Variants in DOCK8 observed in about 807,000 individuals in gnomAD.
DOCK8 encodes dedicator of cytokinesis protein 8.
Under a neutral mutation model 245.6 loss-of-function variants are expected in DOCK8, and 141 were observed. The observed-to-expected ratio is 0.57, with a 90% CI of 0.50 to 0.66. The LOEUF (loss-of-function observed/expected upper bound fraction) is 0.66. Ranked by LOEUF, DOCK8 falls within the 30% of genes least tolerant of loss-of-function variation. The pLI, the probability that DOCK8 is intolerant of heterozygous loss-of-function variation, is 0.00. For missense variants in DOCK8, 2,965 were observed against 2,603.4 expected (o/e 1.14, Z -3.02); for synonymous variants, 1,168 against 970.2 (o/e 1.20, Z -3.79).
chr9:215,175 AG>A (rs771625232), intron 1 of DOCK8, 146 bp downstream of exon 1: 1 of 1,507,462 alleles, frequency 6.6e-7, no homozygotes, highest in South Asian at 1.2e-5. Flanking sequence ...CCGGTTCCCG[AG>A]GCTGCGGCGG....
chr9:386,290 C>T (rs1281903407), intron 22 of DOCK8, 41 bp from the exon 23 acceptor site: 1 of 1,557,798 alleles, frequency 6.4e-7, no homozygotes, highest in Non-Finnish European at 8.8e-7. Context: ...CTTACCTTTC[C>T]ATGGTTGGTT....
intron 30 of DOCK8, chr9:420,048 A>G (rs1408079680): frequency 5.7e-6 from 2 of 353,494 alleles, no homozygotes; most frequent in Admixed American, 4.0e-5. Context: ...TCTTAGCAGC[A>G]TGAAAGCCTC....
chr9:264,057 T>C (rs574695320), intron 1 of DOCK8, among the ~76,000 whole-genome samples: 1 of 152,360 alleles, frequency 6.6e-6, no homozygotes, highest in Non-Finnish European at 1.5e-5. Context: ...GGGATCCAGC[T>C]TACACAGGTT....
chr9:420,919 G>T, intron 31 of DOCK8, 30 bp from the exon 32 acceptor site: 1 of 1,614,124 alleles, frequency 6.2e-7, no homozygotes, highest in Non-Finnish European at 8.5e-7. Context: ...CTCACCAAAG[G>T]ACATGTCCTC....
chr9:291,354 A>G (rs897925539), intron 4 of DOCK8, among the ~76,000 whole-genome samples: 2 of 152,192 alleles, frequency 1.3e-5, no homozygotes, highest in African/African-American at 4.8e-5. Context: ...ATGAAACACA[A>G]ATCACTCAGT....
chr9:398,239 G>A (rs529392302), intron 25 of DOCK8, among the ~76,000 whole-genome samples: 5 of 152,166 alleles, frequency 3.3e-5, no homozygotes, highest in African/African-American at 9.7e-5. Flanking sequence ...ACTGAGTCAC[G>A]TAAGGCACCC....
intron 1 of DOCK8, among the ~76,000 whole-genome samples, chr9:244,530 C>T (rs1434818619): frequency 6.6e-6 from 1 of 152,142 alleles, no homozygotes; most frequent in African/African-American, 2.4e-5. Flanking sequence ...TGATTGCCTA[C>T]TTAATGTCTC....
At chr9:352,881 A>G (rs1554676250) in intron 14 of DOCK8, among the ~76,000 whole-genome samples, 1 of 152,040 alleles carries the variant, frequency 6.6e-6, no homozygotes, top group Non-Finnish European at 1.5e-5. Flanking sequence ...GAGTGGGAAC[A>G]CTTCTTCTCA....
At chr9:307,331 T>TTTTTTTG (rs1563903367) in intron 5 of DOCK8, among the ~76,000 whole-genome samples, 6 of 29,794 alleles carry the variant, frequency 2.0e-4, no homozygotes, top group Admixed American at 1.0e-3. Flanking sequence ...TGTGTGTGGT[T>TTTTTTTG]TTTTTTGTTT....
chr9:294,338 G>C (rs1202426312), intron 4 of DOCK8, among the ~76,000 whole-genome samples: 2 of 152,172 alleles, frequency 1.3e-5, no homozygotes, highest in African/African-American at 4.8e-5. Flanking sequence ...GCTCTGATAG[G>C]TACTGCCAAA....
intron 18 of DOCK8, among the ~76,000 whole-genome samples, chr9:374,296 A>AT (rs2053424669): frequency 6.6e-6 from 1 of 152,184 alleles, no homozygotes; most frequent in African/African-American, 2.4e-5. Context: ...TCAAACTGAG[A>AT]TATGTGCTAT....
intron 13 of DOCK8, 69 bp from the exon 14 acceptor site, chr9:340,090 A>G (rs1050339856): frequency 6.4e-6 from 10 of 1,559,680 alleles, no homozygotes; most frequent in Non-Finnish European, 7.9e-6. Flanking sequence ...ACACAGTGCA[A>G]CAATCTTTCT....
intron 1 of DOCK8, chr9:215,251 G>C (rs368323357): frequency 6.3e-7 from 1 of 1,594,118 alleles, no homozygotes; most frequent in African/African-American, 1.4e-5. Context: ...AAGAATCTCG[G>C]TGCTCCTGGA....
chr9:221,693 G>A (rs2046886009), intron 1 of DOCK8, among the ~76,000 whole-genome samples: 1 of 151,530 alleles, frequency 6.6e-6, no homozygotes, highest in South Asian at 2.1e-4. Context: ...GTGGTGGCAG[G>A]TGCCTGTAGT....
intron 27 of DOCK8, among the ~76,000 whole-genome samples, chr9:406,236 G>C (rs2055410173): frequency 6.6e-6 from 1 of 152,118 alleles, no homozygotes; most frequent in South Asian, 2.1e-4. Context: ...GCTCACATTT[G>C]TAATCCCAGC....
rs2297081 is a variant in DOCK8 at position 421,980 on chromosome 9, T to A, written c.4154-68T>A. 694,685 of 1,363,666 alleles carry A rather than the reference T, an allele frequency of 0.51. 182,764 individuals are homozygous for A. Among genetic ancestry groups the A allele is most frequent in the Non-Finnish European group, 0.56 (533,160 of 954,560 alleles). The allele number at this position is 1,363,666 out of a possible 1,614,324, so 84.5% of individuals were successfully genotyped here. A position where few individuals can be genotyped will look rare whatever the true frequency, so the allele number is the denominator to read the frequency against. On this transcript the variant is annotated intron_variant, in intron 32 of 47. Transcript: ENST00000432829. ...TGAGGCTTCTCAGTTGAGCTTGTTA[T>A]GAACTTCTGGTTATCTTGGAGGGTT...
chr9:412,479 A>G lies in DOCK8; in HGVS notation c.3531-2303A>G, dbSNP rs1020112910. On this transcript the variant is annotated intron_variant, in intron 28 of 47. Coordinates refer to ENST00000432829, the MANE Select transcript of DOCK8 (RefSeq NM_203447.4). The stretch of plus-strand genomic sequence containing the variant: ...TTGGAAAAGAAGTAAAACTATCTCT[A>G]TTCATAGGTGGCATAATCTTGTTTA... 5.3e-5 allele frequency among the ~76,000 whole-genome samples: 8 copies of G among 152,156 alleles called. No homozygotes were observed. In the South Asian group the frequency reaches 1.7e-3, roughly 32 times the overall value.
At chr9:421,264 G>T (rs964987342) in intron 32 of DOCK8, among the ~76,000 whole-genome samples, 186 bp downstream of exon 32, 1 of 152,174 alleles carries the variant, frequency 6.6e-6, no homozygotes, top group South Asian at 2.1e-4. Context: ...GAGGGAAAGC[G>T]CTGTTCTACA....
intron 35 of DOCK8, among the ~76,000 whole-genome samples, chr9:429,297 G>T (rs2056619775): frequency 1.3e-5 from 2 of 152,134 alleles, no homozygotes; most frequent in African/African-American, 4.8e-5. Flanking sequence ...ATCTCAATTG[G>T]TGCCTTCTAC....
Sources: gnomAD v4.1 joint callset for allele counts (sites outside exome capture counted in the v4.1 genomes callset) on GRCh38, gnomAD v4.1.1 for gene constraint, MANE v1.5 for transcripts, NCBI Gene and HGNC (gene_info 2026-07-23, HGNC 2026-07-21) for gene names.